CPLANE1: variants seen among roughly 807,000 people sequenced by gnomAD.
The protein encoded by CPLANE1 is ciliogenesis and planar polarity effector 1.
Under a neutral mutation model 362.5 loss-of-function variants are expected in CPLANE1, and 263 were observed. The ratio of observed to expected loss-of-function variants is 0.73; its 90% CI spans 0.66 to 0.80. The LOEUF (loss-of-function observed/expected upper bound fraction) is 0.80, where lower values mean the gene tolerates loss of function less well. CPLANE1 is among the 30% of genes least tolerant of loss of function. The probability of loss-of-function intolerance (pLI) is 0.00; values close to 1 mark genes in which losing one functional copy is unlikely to be tolerated. For synonymous variants in CPLANE1, 1,212 were observed against 1,302.6 expected (o/e 0.93, Z 1.50); for missense variants, 3,461 against 3,793.4 (o/e 0.91, Z 2.30).
At chr5:37,077,330 G>GTCTC in the CPLANE1 span, among the ~76,000 whole-genome samples, 6 of 152,052 alleles carry the variant, frequency 3.9e-5, no homozygotes, top group Non-Finnish European at 7.4e-5. Flanking sequence ...TCAGCTCTGA[G>GTCTC]TCTCAAGTTC....
At chr5:37,106,186 C>T (rs1396021715), downstream of CPLANE1, 1 of 152,230 alleles carries the variant, frequency 6.6e-6, no homozygotes, top group East Asian at 1.9e-4. Flanking sequence ...CTAGCAATCC[C>T]ATAGCTGGGT....
chr5:37,165,543 G>A lies in CPLANE1; in HGVS notation c.7529C>T (p.Pro2510Leu). ...TCTATAGCAGTTTTTCTATACCTTGGGTTTCTTAATGATTTCTGAATCATC... is the reference window on the plus strand; with the variant it reads ...TCTATAGCAGTTTTTCTATACCTTGAGTTTCTTAATGATTTCTGAATCATC... ...NNDDSEIIKK[P>L]KEQQEHCGSH... The change falls in exon 36 of 53, where the codon CCC (proline) becomes CTC (leucine). Residue 2510 changes from proline (P) to leucine (L), a missense_variant. Transcript: ENST00000651892. The A allele has an allele frequency of 5.6e-6, 9 of 1,607,814 alleles. No individual in the cohort carries two copies. Among genetic ancestry groups the A allele is most frequent in the Non-Finnish European group, 7.6e-6 (9 of 1,178,396 alleles).
chr5:37,099,547 T>G, the CPLANE1 span, among the ~76,000 whole-genome samples: 1 of 152,250 alleles, frequency 6.6e-6, no homozygotes, highest in African/African-American at 2.4e-5. Flanking sequence ...CTATCATTGA[T>G]GGGCATTTGG....
intron 32 of CPLANE1, among the ~76,000 whole-genome samples, chr5:37,170,800 G>T (rs1779596816): frequency 6.6e-6 from 1 of 152,130 alleles, no homozygotes. Context: ...GCTGGGTGTG[G>T]TGGCACGGGC....
At chr5:37,098,939 A>G in the CPLANE1 span, among the ~76,000 whole-genome samples, 1 of 151,100 alleles carries the variant, frequency 6.6e-6, no homozygotes, top group Non-Finnish European at 1.5e-5. Context: ...AAAAAAAAAA[A>G]AAAAAGAGAA....
Position 37,224,531 on chromosome 5 carries a change from C to A in CPLANE1, c.2500+1G>T. ...TTAGAAAATATTCATAAGATACTGACCATTGATAGATTTAAGTTCTAAGGT... is the reference window on the plus strand; with the variant it reads ...TTAGAAAATATTCATAAGATACTGAACATTGATAGATTTAAGTTCTAAGGT... On this transcript the variant is annotated splice_donor_variant, in intron 13 of 52. Transcript: ENST00000651892. LOFTEE classifies it high-confidence loss of function. 1 of 1,536,218 alleles carries A rather than the reference C, an allele frequency of 6.5e-7. No homozygotes were observed. The highest frequency in any genetic ancestry group is 8.8e-7 in the Non-Finnish European group (1 of 1,133,414).
chr5:37,152,489 T>A (rs1773852950), intron 42 of CPLANE1, among the ~76,000 whole-genome samples: 1 of 151,878 alleles, frequency 6.6e-6, no homozygotes, highest in Non-Finnish European at 1.5e-5. Context: ...AAATTGTTCT[T>A]CCTTTAAAAA....
intron 46 of CPLANE1, among the ~76,000 whole-genome samples, chr5:37,126,279 C>T (rs767906161): frequency 2.6e-5 from 4 of 152,112 alleles, no homozygotes; most frequent in Non-Finnish European, 5.9e-5. Context: ...CTTCCAACAG[C>T]TGCCCTTATG....
intron 48 of CPLANE1, among the ~76,000 whole-genome samples, chr5:37,122,221 T>C (rs1762866270): frequency 6.6e-6 from 1 of 152,180 alleles, no homozygotes; most frequent in African/African-American, 2.4e-5. Context: ...ATAAAAGTCA[T>C]AAAAACTGAA....
chr5:37,097,865 C>G, the CPLANE1 span, among the ~76,000 whole-genome samples: 1 of 152,084 alleles, frequency 6.6e-6, no homozygotes, highest in Non-Finnish European at 1.5e-5. Context: ...TCAATAATAA[C>G]CCTACCTGTG....
chr5:37,128,801 G>C (rs1054266661), intron 46 of CPLANE1, among the ~76,000 whole-genome samples: 3 of 151,982 alleles, frequency 2.0e-5, no homozygotes, highest in Non-Finnish European at 2.9e-5. Flanking sequence ...AGAGGTTGCA[G>C]TGAGCTGAGA....
intron 42 of CPLANE1, 146 bp from the exon 43 acceptor site, chr5:37,148,414 A>T (rs1291790346): frequency 2.0e-6 from 1 of 497,010 alleles, no homozygotes; most frequent in African/African-American, 2.0e-5. Flanking sequence ...AATGGTAGGG[A>T]TCAATAAAAC....
At chr5:37,154,220 T>G (rs982351596) in intron 41 of CPLANE1, among the ~76,000 whole-genome samples, 2 of 152,086 alleles carry the variant, frequency 1.3e-5, no homozygotes, top group Non-Finnish European at 2.9e-5. Context: ...GAATATTACT[T>G]TCATCCCTTG....
chr5:37,088,796 G>T, the CPLANE1 span, among the ~76,000 whole-genome samples: 1 of 152,100 alleles, frequency 6.6e-6, no homozygotes, highest in Non-Finnish European at 1.5e-5. Flanking sequence ...GGTTGCAACC[G>T]GGATCTGGGG....
chr5:37,231,226 T>G (rs1431054407), intron 8 of CPLANE1, among the ~76,000 whole-genome samples, 177 bp from the exon 9 acceptor site: 1 of 151,974 alleles, frequency 6.6e-6, no homozygotes, highest in East Asian at 1.9e-4. Context: ...AACAAAGGAG[T>G]TTGCTCATAA....
chr5:37,136,288 C>T (rs1412917519), intron 46 of CPLANE1, among the ~76,000 whole-genome samples: 1 of 152,134 alleles, frequency 6.6e-6, no homozygotes, highest in Non-Finnish European at 1.5e-5. Flanking sequence ...GTCCAAAATC[C>T]AATAGGGCAG....
Position 37,120,314 on chromosome 5 carries a change from A to G in CPLANE1, c.9212T>C (p.Leu3071Pro). Residue 3071 changes from leucine (L) to proline (P), a missense_variant, in exon 50 of 53, where the codon CTA becomes CCA. Physicochemically the swap from Leu to Pro is moderately conservative, Grantham distance 98. Around this residue, in one of 2 missense-constraint regions of CPLANE1, gnomAD observed 3,380 missense variants for 3,666.1 expected, o/e 0.92. Transcript: ENST00000651892. ...TTTGACTTTTCCAGGTCGATTTATTAGAAAACTGTGACCATGTTGATTCTC... is the reference window on the plus strand; with the variant it reads ...TTTGACTTTTCCAGGTCGATTTATTGGAAAACTGTGACCATGTTGATTCTC... Reference protein sequence around the residue: ...RGENQHGHSFLINRPGKVKYM... With the variant: ...RGENQHGHSFPINRPGKVKYM... The G allele has an allele frequency of 6.3e-7, 1 of 1,591,118 alleles. No individual in the cohort carries two copies. Among genetic ancestry groups the G allele is most frequent in the Admixed American group, 1.9e-5 (1 of 53,460 alleles).
intron 38 of CPLANE1, 96 bp from the exon 39 acceptor site, chr5:37,158,441 A>C: frequency 8.3e-7 from 1 of 1,208,386 alleles, no homozygotes; most frequent in Non-Finnish European, 1.1e-6. Flanking sequence ...GCAACAAACA[A>C]CATAAATTGT....
chr5:37,156,097 C>G (rs1454513267), intron 41 of CPLANE1, among the ~76,000 whole-genome samples: 2 of 152,210 alleles, frequency 1.3e-5, no homozygotes, highest in African/African-American at 2.4e-5. Context: ...TTCCTTGCTC[C>G]TCATGTCTCC....
Sources: allele counts gnomAD v4.1 joint callset (sites outside exome capture counted in the v4.1 genomes callset), GRCh38; gene constraint gnomAD v4.1.1; regional missense constraint gnomAD v4.1.1; transcripts MANE v1.5; gene names NCBI Gene and HGNC (gene_info 2026-07-23, HGNC 2026-07-21).